The following TAFA1 variants were observed in gnomAD, a reference collection of about 807,000 sequenced individuals.
TAFA1 encodes the protein chemokine-like protein TAFA-1.
In TAFA1, 4 loss-of-function variants were observed where a neutral mutation model predicts 18.5. The ratio of observed to expected loss-of-function variants is 0.22; its 90% CI spans 0.11 to 0.49. The LOEUF is 0.49. Ranked by LOEUF, TAFA1 falls within the 20% of genes least tolerant of loss-of-function variation. The probability of loss-of-function intolerance (pLI) is 0.98; values close to 1 mark genes in which losing one functional copy is unlikely to be tolerated. For missense variants in TAFA1, 147 were observed against 169.0 expected (o/e 0.87, Z 0.72); for synonymous variants, 56 against 55.2 (o/e 1.01, Z -0.06).
At chr3:68,206,791 G>A (rs2066532215) in intron 2 of TAFA1, among the ~76,000 whole-genome samples, 1 of 151,906 alleles carries the variant, frequency 6.6e-6, no homozygotes, top group Non-Finnish European at 1.5e-5. Flanking sequence ...CGAGCAAAGT[G>A]TTGTAGTTGT....
intron 2 of TAFA1, among the ~76,000 whole-genome samples, chr3:68,365,524 G>A (rs1253956702): frequency 6.6e-6 from 1 of 152,198 alleles, no homozygotes; most frequent in African/African-American, 2.4e-5. Context: ...AGGAGTTAAG[G>A]AGGGAGAAGG....
intron 2 of TAFA1, among the ~76,000 whole-genome samples, chr3:68,332,610 A>T (rs1291143722): frequency 6.6e-6 from 1 of 152,232 alleles, no homozygotes; most frequent in Non-Finnish European, 1.5e-5. Flanking sequence ...ACCTGAATAG[A>T]CATTGTCCTA....
At chr3:68,214,426 A>G (rs62248291) in intron 2 of TAFA1, among the ~76,000 whole-genome samples, 4,131 of 152,150 alleles carry the variant, frequency 0.027, 88 homozygotes, top group Non-Finnish European at 0.045. Flanking sequence ...CTTAGGTACT[A>G]TAAGGCCTTT....
At chr3:68,292,061 A>G (rs1559602461) in intron 2 of TAFA1, among the ~76,000 whole-genome samples, 2 of 152,152 alleles carry the variant, frequency 1.3e-5, no homozygotes, top group Admixed American at 1.3e-4. Flanking sequence ...TTACTCTCTC[A>G]TCACCATCTC....
At chr3:68,128,245 G>C (rs746873540) in intron 2 of TAFA1, among the ~76,000 whole-genome samples, 1 of 152,024 alleles carries the variant, frequency 6.6e-6, no homozygotes, top group Non-Finnish European at 1.5e-5. Flanking sequence ...CTAACATCTT[G>C]CATCCCATTT....
intron 2 of TAFA1, among the ~76,000 whole-genome samples, chr3:68,216,810 C>T (rs773941231): frequency 5.3e-5 from 8 of 151,990 alleles, no homozygotes; most frequent in African/African-American, 7.2e-5. Flanking sequence ...CTGAAGAGCT[C>T]CCAAGAGCCA....
chr3:68,537,222 T>G (rs1003853816), intron 3 of TAFA1, among the ~76,000 whole-genome samples: 2 of 152,184 alleles, frequency 1.3e-5, no homozygotes, highest in African/African-American at 4.8e-5. Flanking sequence ...GAAAAACTCC[T>G]TCATCTTCTG....
intron 2 of TAFA1, among the ~76,000 whole-genome samples, chr3:68,309,094 T>A (rs1230380994): frequency 2.6e-5 from 4 of 152,060 alleles, no homozygotes; most frequent in Admixed American, 6.6e-5. Context: ...ATATCTGAGC[T>A]CAAAAGTCTT....
intron 3 of TAFA1, among the ~76,000 whole-genome samples, chr3:68,475,852 C>G (rs1200596399): frequency 6.6e-6 from 1 of 152,166 alleles, no homozygotes; most frequent in African/African-American, 2.4e-5. Context: ...GATCGCCATT[C>G]TAACTGGTGT....
intron 2 of TAFA1, among the ~76,000 whole-genome samples, chr3:68,386,384 G>A (rs1031367833): frequency 3.3e-5 from 5 of 151,994 alleles, no homozygotes; most frequent in East Asian, 1.9e-4. Context: ...TGACTGAGGT[G>A]GTTACGAGTT....
intron 2 of TAFA1, among the ~76,000 whole-genome samples, chr3:68,087,202 T>C (rs533511739): frequency 3.9e-5 from 6 of 152,328 alleles, no homozygotes; most frequent in Admixed American, 1.3e-4. Flanking sequence ...ACTCAGCTAC[T>C]TCAGTAGAAA....
intron 2 of TAFA1, among the ~76,000 whole-genome samples, chr3:68,161,652 C>G (rs1011292273): frequency 3.9e-5 from 6 of 152,162 alleles, no homozygotes; most frequent in African/African-American, 1.4e-4. Context: ...TTGCTTATAT[C>G]ATTTTGCTAG....
intron 2 of TAFA1, among the ~76,000 whole-genome samples, chr3:68,012,034 C>A (rs1704483054): frequency 1.3e-5 from 2 of 152,186 alleles, no homozygotes; most frequent in Non-Finnish European, 2.9e-5. Context: ...TTAGAAATGG[C>A]AAAAATGAAG....
At chr3:68,013,357 T>C (rs1286102176) in intron 2 of TAFA1, among the ~76,000 whole-genome samples, 2 of 152,170 alleles carry the variant, frequency 1.3e-5, no homozygotes, top group Non-Finnish European at 2.9e-5. Flanking sequence ...ATAACATACA[T>C]GTATTATGTG....
At chr3:68,300,400 A>G (rs1184993112) in intron 2 of TAFA1, among the ~76,000 whole-genome samples, 1 of 151,986 alleles carries the variant, frequency 6.6e-6, no homozygotes, top group African/African-American at 2.4e-5. Context: ...GAACAAATGG[A>G]AAAAGAACAT....
chr3:68,231,490 AGCTGGGACTACAG>A, intron 2 of TAFA1, among the ~76,000 whole-genome samples: 1 of 149,838 alleles, frequency 6.7e-6, no homozygotes, highest in Non-Finnish European at 1.5e-5. Flanking sequence ...CCTCCCAAGT[AGCTGGGACTACAG>A]GCGCCCGCCA....
At chr3:68,372,206 GGT>G (rs927170417) in intron 2 of TAFA1, among the ~76,000 whole-genome samples, 1 of 152,162 alleles carries the variant, frequency 6.6e-6, no homozygotes, top group Non-Finnish European at 1.5e-5. Flanking sequence ...AGTAGTTACT[GGT>G]TGGGTTTTGA....
chr3:68,335,771 C>G (rs2068960476), intron 2 of TAFA1, among the ~76,000 whole-genome samples: 1 of 151,934 alleles, frequency 6.6e-6, no homozygotes, highest in African/African-American at 2.4e-5. Flanking sequence ...GAATGAACAC[C>G]CAGTTGCCGC....
intron 2 of TAFA1, among the ~76,000 whole-genome samples, chr3:68,037,031 G>T (rs1705064736): frequency 1.3e-5 from 2 of 152,140 alleles, no homozygotes; most frequent in African/African-American, 2.4e-5. Flanking sequence ...TGTTAGCTAT[G>T]TCACGATAAT....
Sources: gnomAD v4.1 joint callset for allele counts (sites outside exome capture counted in the v4.1 genomes callset) on GRCh38, gnomAD v4.1.1 for gene constraint, MANE v1.5 for transcripts, NCBI Gene and HGNC (gene_info 2026-07-23, HGNC 2026-07-21) for gene names.